Variants in MSRB1 observed in about 807,000 individuals in gnomAD.
The protein encoded by MSRB1 is methionine-R-sulfoxide reductase B1.
MSRB1 carries 13 observed loss-of-function variants against 15.2 expected under a neutral mutation model. That is an observed-to-expected ratio of 0.86 (90% CI 0.56 to 1.36). The LOEUF (loss-of-function observed/expected upper bound fraction) is 1.36, where lower values mean the gene tolerates loss of function less well. Ranked by LOEUF, MSRB1 falls within the 40% of genes most tolerant of loss-of-function variation. The pLI is 0.00. For missense variants in MSRB1, 174 were observed against 155.9 expected (o/e 1.12, Z -0.62); for synonymous variants, 68 against 64.5 (o/e 1.05, Z -0.26).
intron 2 of MSRB1, 180 bp downstream of exon 2, chr16:1,941,077 C>A: frequency 6.4e-7 from 1 of 1,551,212 alleles, no homozygotes; most frequent in Non-Finnish European, 8.7e-7. Context: ...CCCACATTTG[C>A]ACCAGAAGGC....
chr16:1,941,552 G>A (rs1567306785), intron 1 of MSRB1, 147 bp from the exon 2 acceptor site: 3 of 1,133,934 alleles, frequency 2.6e-6, no homozygotes, highest in Non-Finnish European at 3.7e-6. Flanking sequence ...GCCACGGGAG[G>A]CGCTGTGCTG....
chr16:1,941,282 T>G lies in MSRB1; in HGVS notation c.179A>C (p.Glu60Ala). 1.2e-6 allele frequency: 2 copies of G among 1,609,618 alleles called. No homozygotes were observed. Among genetic ancestry groups the G allele is most frequent in the Non-Finnish European group, 1.7e-6 (2 of 1,179,366 alleles). The change falls in exon 2 of 4, where the codon GAG becomes GCG. Residue 60 changes from glutamate to alanine, a missense_variant. Physicochemically the swap from Glu to Ala is moderately radical, Grantham distance 107. Transcript: ENST00000361871. The part of the protein sequence containing the change: ...IHADSVAKRP[E>A]HNRSEALKVS... ...CTTCAAGGCTTCAGATCTATTGTGC[T>G]CCGGACGCTTGGCCACGCTGTCGGC...
intron 1 of MSRB1, 185 bp from the exon 2 acceptor site, chr16:1,941,590 AC>A: frequency 1.4e-6 from 1 of 724,412 alleles, no homozygotes; most frequent in Non-Finnish European, 2.2e-6. Context: ...TGTGCCAGAG[AC>A]CAGGGGAGTC....
Position 1,938,859 on chromosome 16 carries a change from G to C in MSRB1, c.*253C>G. 3.4e-6 allele frequency: 2 copies of C among 581,296 alleles called. No individual in the cohort carries two copies. The highest frequency in any genetic ancestry group is 4.0e-5 in the South Asian group (2 of 49,838). 36.0% of individuals were successfully genotyped at this position (581,296 alleles called of 1,614,324 possible). On this transcript the variant is annotated 3_prime_UTR_variant, in exon 4 of 4. Coordinates refer to ENST00000361871, the MANE Select transcript of MSRB1 (RefSeq NM_016332.4). Reference sequence around the variant, plus strand: ...CTGGAGGCACCTAGAGTGAGCAGGGGGCTAAGTCAGCCGACAGTGTGGCTG... The same window carrying C: ...CTGGAGGCACCTAGAGTGAGCAGGGCGCTAAGTCAGCCGACAGTGTGGCTG...
intron 3 of MSRB1, among the ~76,000 whole-genome samples, chr16:1,939,731 A>T (rs2083063626): frequency 3.9e-5 from 6 of 152,166 alleles, no homozygotes; most frequent in Admixed American, 3.9e-4. Flanking sequence ...AGACAGGCAG[A>T]TCACCTCAGG....
intron 2 of MSRB1, 128 bp from the exon 3 acceptor site, chr16:1,941,020 G>A: frequency 6.4e-7 from 1 of 1,555,880 alleles, no homozygotes; most frequent in African/African-American, 1.4e-5. Context: ...GCCGACATAA[G>A]AGGTTGACCT....
chr16:1,941,294 G>A lies in MSRB1; in HGVS notation c.167C>T (p.Ala56Val). 6.2e-7 allele frequency: 1 copy of A among 1,613,470 alleles called. No individual in the cohort carries two copies. Among genetic ancestry groups the A allele is most frequent in the South Asian group, 1.1e-5 (1 of 91,046 alleles). The change falls in exon 2 of 4, where the codon GCC becomes GTC. Residue 56 changes from alanine to valine, a missense_variant. Ala to Val is a moderately conservative substitution (Grantham distance 64). Transcript: ENST00000361871. ...FTETIHADSV[A>V]KRPEHNRSEA... ...AGATCTATTGTGCTCCGGACGCTTG[G>A]CCACGCTGTCGGCGTGAATGGTCTC...
chr16:1,942,573 G>A (rs929044412), intron 1 of MSRB1, among the ~76,000 whole-genome samples: 7 of 152,244 alleles, frequency 4.6e-5, no homozygotes, highest in Admixed American at 2.0e-4. Context: ...CACCTGGGCC[G>A]GCACATTAGG....
At chr16:1,939,547 A>G (rs992943668) in intron 3 of MSRB1, among the ~76,000 whole-genome samples, 12 of 152,188 alleles carry the variant, frequency 7.9e-5, no homozygotes, top group Non-Finnish European at 1.8e-4. Context: ...TAACAGCCCC[A>G]TTTCAGGCGA....
rs938234060 is a variant in MSRB1, at chr16:1,943,081, G to C, written c.55+21C>G. 7.1e-6 allele frequency: 11 copies of C among 1,552,638 alleles called. No homozygotes were observed. In the Middle Eastern group the frequency reaches 8.4e-4, roughly 118 times the overall value. On this transcript the variant is annotated intron_variant, in intron 1 of 3. Coordinates refer to ENST00000361871, the MANE Select transcript of MSRB1 (RefSeq NM_016332.4). ...CGCCCCCCGCCGCGCTGCCCTCCCAGCGAGAGGCCGCAGGACCAACCAGGT... is the reference window on the plus strand; with the variant it reads ...CGCCCCCCGCCGCGCTGCCCTCCCACCGAGAGGCCGCAGGACCAACCAGGT...
chr16:1,938,973 G>C lies in MSRB1; in HGVS notation c.*139C>G. The C allele has an allele frequency of 9.1e-7, 1 of 1,094,406 alleles. No homozygotes were observed. Among genetic ancestry groups the C allele is most frequent in the Non-Finnish European group, 1.4e-6 (1 of 737,078 alleles). 67.8% of individuals were successfully genotyped at this position (1,094,406 alleles called of 1,614,324 possible). ...AACGAAAAGGTCTTGTTCAGAGCCG[G>C]GGCCTTGGGAGTGTCCTGATGTTTC... is the stretch of plus-strand genomic sequence containing the variant. On this transcript the variant is annotated 3_prime_UTR_variant, in exon 4 of 4. Transcript: ENST00000361871.
At chr16:1,940,175 G>A (rs2815304) in intron 3 of MSRB1, among the ~76,000 whole-genome samples, 22,024 of 151,584 alleles carry the variant, frequency 0.15, 1,796 homozygotes, top group South Asian at 0.3. Context: ...GGGAGGCCAA[G>A]ACAGGAGAAT....
At chr16:1,943,066 C>T (rs2083090507) in intron 1 of MSRB1, 36 bp downstream of exon 1, 8 of 1,549,374 alleles carry the variant, frequency 5.2e-6, no homozygotes, top group Non-Finnish European at 6.1e-6. Context: ...CGCCCCCCGC[C>T]GCGCTGCCCT....
At position 1,939,030 on chromosome 16, in the gene MSRB1, C is replaced by T; in HGVS notation, c.*82G>A. 1 of 1,551,732 alleles carries T rather than the reference C, an allele frequency of 6.4e-7. No individual in the cohort carries two copies. Among genetic ancestry groups the T allele is most frequent in the South Asian group, 1.1e-5 (1 of 87,972 alleles). On this transcript the variant is annotated 3_prime_UTR_variant, in exon 4 of 4. Transcript: ENST00000361871. ...TGCGCCCTGCCTTCCTGTCTCGACG[C>T]CCAGGGTTCCAACTCCAAGGTGGAA...
chr16:1,941,098 C>G, intron 2 of MSRB1, 159 bp downstream of exon 2: 1 of 1,551,302 alleles, frequency 6.4e-7, no homozygotes, highest in Non-Finnish European at 8.7e-7. Context: ...CAGGCTCTCC[C>G]GATAGCCTGG....
At position 1,939,073 on chromosome 16, in the gene MSRB1, C is replaced by T; in HGVS notation, c.*39G>A. Reference sequence around the variant, plus strand: ...AGGTGGAATGGCCAACGTGTGGCCTCAGTGTGGTGGCCGTCTGGGGTGGGT... The same window carrying T: ...AGGTGGAATGGCCAACGTGTGGCCTTAGTGTGGTGGCCGTCTGGGGTGGGT... On this transcript the variant is annotated 3_prime_UTR_variant, in exon 4 of 4. Transcript: ENST00000361871. 6.2e-7 allele frequency: 1 copy of T among 1,612,166 alleles called. No individual in the cohort carries two copies. The highest frequency in any genetic ancestry group is 8.5e-7 in the Non-Finnish European group (1 of 1,179,140).
chr16:1,941,263 G>T lies in MSRB1; in HGVS notation c.198C>A (p.Ala66=). Residue 66 remains alanine, a synonymous_variant, in exon 2 of 4, where the codon GCC becomes GCA. Transcript: ENST00000361871. The part of the protein sequence containing the change: ...AKRPEHNRSE[A]LKVSCGKCGN... ...CACCCCTGTGGCCTCTCACCTTCAA[G>T]GCTTCAGATCTATTGTGCTCCGGAC... 6.2e-7 allele frequency: 1 copy of T among 1,612,968 alleles called. No individual in the cohort carries two copies. Among genetic ancestry groups the T allele is most frequent in the Non-Finnish European group, 8.5e-7 (1 of 1,179,748 alleles).
chr16:1,940,128 T>C (rs985639882), intron 3 of MSRB1, among the ~76,000 whole-genome samples: 1 of 151,574 alleles, frequency 6.6e-6, no homozygotes, highest in African/African-American at 2.4e-5. Context: ...AAAAATTAGC[T>C]GGGCGTGGTG....
Position 1,938,972 on chromosome 16 carries a change from G to T in MSRB1, c.*140C>A. On this transcript the variant is annotated 3_prime_UTR_variant, in exon 4 of 4. Transcript: ENST00000361871. ...AAACGAAAAGGTCTTGTTCAGAGCC[G>T]GGGCCTTGGGAGTGTCCTGATGTTT... 9.2e-7 allele frequency: 1 copy of T among 1,085,590 alleles called. No individual in the cohort carries two copies. The highest frequency in any genetic ancestry group is 1.3e-5 in the South Asian group (1 of 74,162). 67.2% of individuals were successfully genotyped at this position (1,085,590 alleles called of 1,614,324 possible).
Sources: allele counts gnomAD v4.1 joint callset (sites outside exome capture counted in the v4.1 genomes callset), GRCh38; gene constraint gnomAD v4.1.1; transcripts MANE v1.5; gene names NCBI Gene and HGNC (gene_info 2026-07-23, HGNC 2026-07-21).